NEGR1: variants seen among roughly 807,000 people sequenced by gnomAD.
NEGR1 encodes IgLON family member 4.
In NEGR1, 10 loss-of-function variants were observed where a neutral mutation model predicts 40.9. That is an observed-to-expected ratio of 0.24 (90% CI 0.15 to 0.42). The LOEUF (loss-of-function observed/expected upper bound fraction) is 0.42, where lower values mean the gene tolerates loss of function less well. Among genes scored for constraint, NEGR1 ranks in the 10% least tolerant of loss-of-function variants. The pLI, the probability that NEGR1 is intolerant of heterozygous loss-of-function variation, is 1.00. For synonymous variants in NEGR1, 185 were observed against 166.8 expected (o/e 1.11, Z -0.84); for missense variants, 352 against 438.9 (o/e 0.80, Z 1.77).
At chr1:71,974,386 G>A (rs1434095857) in intron 1 of NEGR1, among the ~76,000 whole-genome samples, 1 of 152,020 alleles carries the variant, frequency 6.6e-6, no homozygotes, top group East Asian at 1.9e-4. Context: ...AGGATATTAA[G>A]TAAATTTCTG....
intron 1 of NEGR1, among the ~76,000 whole-genome samples, chr1:71,961,651 C>A (rs1646166075): frequency 6.6e-6 from 1 of 152,074 alleles, no homozygotes; most frequent in Admixed American, 6.6e-5. Context: ...ATCAAGAGGT[C>A]TGTCTTCAAA....
rs1645813643 is a variant in NEGR1, at chr1:71,928,361, T to TGTATATATGTATATATAC, written c.409+6717_409+6718insGTATATATACATATATAC. On this transcript the variant is annotated intron_variant, in intron 2 of 6. Coordinates refer to ENST00000357731, the MANE Select transcript of NEGR1 (RefSeq NM_173808.3). ...ATATACACACATGTGTATATATATATACACATATGTATATATGTATATATA... is the reference window on the plus strand; with the variant it reads ...ATATACACACATGTGTATATATATATGTATATATGTATATATACACACATATGTATATATGTATATATA... 2.2e-4 allele frequency among the ~76,000 whole-genome samples: 19 copies of TGTATATATGTATATATAC among 84,624 alleles called. 2 individuals carry two copies. Among genetic ancestry groups the TGTATATATGTATATATAC allele is most frequent in the Admixed American group, 1.0e-3 (7 of 6,722 alleles). 55.5% of individuals were successfully genotyped at this position (84,624 alleles called of 152,430 possible).
chr1:72,240,830 C>T (rs1654708528), intron 1 of NEGR1, among the ~76,000 whole-genome samples: 1 of 151,774 alleles, frequency 6.6e-6, no homozygotes, highest in African/African-American at 2.4e-5. Context: ...TCTCATTAAA[C>T]AAGGGCAACT....
chr1:71,552,821 CA>C (rs1380775779), intron 6 of NEGR1, among the ~76,000 whole-genome samples: 3 of 151,192 alleles, frequency 2.0e-5, no homozygotes, highest in African/African-American at 7.3e-5. Flanking sequence ...TGTAAGTAGG[CA>C]AAAGTATAAT....
chr1:71,449,645 G>A (rs1026301381), intron 6 of NEGR1, among the ~76,000 whole-genome samples: 3 of 152,140 alleles, frequency 2.0e-5, no homozygotes, highest in Admixed American at 6.5e-5. Context: ...CACTTTAAAA[G>A]TTTATAACAG....
intron 3 of NEGR1, among the ~76,000 whole-genome samples, chr1:71,775,878 A>G (rs888759242): frequency 4.0e-5 from 6 of 151,662 alleles, no homozygotes; most frequent in African/African-American, 1.5e-4. Context: ...CTGTAATCCC[A>G]GCTACTCAGG....
intron 1 of NEGR1, among the ~76,000 whole-genome samples, chr1:71,942,084 CA>C (rs1382038325): frequency 6.9e-6 from 1 of 145,926 alleles, no homozygotes; most frequent in Non-Finnish European, 1.5e-5. Flanking sequence ...TGTGTAATAG[CA>C]AAAAAGAAAA....
At chr1:72,101,944 A>G (rs1648963666) in intron 1 of NEGR1, among the ~76,000 whole-genome samples, 1 of 152,108 alleles carries the variant, frequency 6.6e-6, no homozygotes, top group East Asian at 1.9e-4. Flanking sequence ...AATACATGTT[A>G]GTTCTTTACA....
chr1:71,588,165 G>T (rs2783046), intron 6 of NEGR1, among the ~76,000 whole-genome samples: 1 of 151,846 alleles, frequency 6.6e-6, no homozygotes, highest in Non-Finnish European at 1.5e-5. Context: ...GGCAGGATGG[G>T]ACCACTCAGT....
chr1:71,984,168 T>A (rs1271421552), intron 1 of NEGR1, among the ~76,000 whole-genome samples: 1 of 146,766 alleles, frequency 6.8e-6, no homozygotes, highest in Non-Finnish European at 1.5e-5. Context: ...TACTGCCTCC[T>A]GCCCACCCAT....
chr1:71,460,991 T>C (rs1017132238), intron 6 of NEGR1, among the ~76,000 whole-genome samples: 3 of 152,210 alleles, frequency 2.0e-5, no homozygotes, highest in African/African-American at 7.2e-5. Flanking sequence ...AGCTTGCTGG[T>C]CTCTGAAAAT....
At chr1:72,105,060 C>T (rs182794485) in intron 1 of NEGR1, among the ~76,000 whole-genome samples, 61 of 152,170 alleles carry the variant, frequency 4.0e-4, no homozygotes, top group Non-Finnish European at 6.3e-4. Flanking sequence ...TTCACAATAA[C>T]GAGACAAAAC....
intron 1 of NEGR1, among the ~76,000 whole-genome samples, chr1:72,074,713 AATG>A (rs774254982): frequency 3.5e-4 from 54 of 152,142 alleles, no homozygotes; most frequent in Non-Finnish European, 6.5e-4. Context: ...GAACTTTCCC[AATG>A]TGCTTTTATT....
intron 6 of NEGR1, among the ~76,000 whole-genome samples, chr1:71,506,076 A>G (rs1227998866): frequency 6.6e-6 from 1 of 152,226 alleles, no homozygotes; most frequent in Non-Finnish European, 1.5e-5. Flanking sequence ...TGCCTAAAAC[A>G]AGGAGAGAAC....
At chr1:71,824,962 TATTC>T (rs966415012) in intron 2 of NEGR1, among the ~76,000 whole-genome samples, 1 of 151,946 alleles carries the variant, frequency 6.6e-6, no homozygotes, top group Admixed American at 6.6e-5. Flanking sequence ...CTGCTTTTGT[TATTC>T]ATGTACAAGT....
intron 4 of NEGR1, among the ~76,000 whole-genome samples, chr1:71,636,552 A>C (rs1461679403): frequency 6.6e-6 from 1 of 152,104 alleles, no homozygotes; most frequent in East Asian, 1.9e-4. Flanking sequence ...CATTGCCATC[A>C]AAAGCAAGCT....
chr1:71,464,618 C>T (rs928005748), intron 6 of NEGR1, among the ~76,000 whole-genome samples: 2 of 152,002 alleles, frequency 1.3e-5, no homozygotes, highest in African/African-American at 4.8e-5. Flanking sequence ...GCAGTTCTGT[C>T]GCAAAATTTG....
At chr1:71,667,208 C>T (rs1570173117) in intron 4 of NEGR1, among the ~76,000 whole-genome samples, 2 of 152,264 alleles carry the variant, frequency 1.3e-5, no homozygotes, top group East Asian at 3.9e-4. Context: ...AGGTTAGAAA[C>T]ACAAGAGTTT....
chr1:71,863,410 C>T (rs1196701723), intron 2 of NEGR1, among the ~76,000 whole-genome samples: 3 of 151,962 alleles, frequency 2.0e-5, no homozygotes, highest in Non-Finnish European at 4.4e-5. Context: ...AACACATGGA[C>T]ATAGAAAGGG....
Sources: gnomAD v4.1 joint callset for allele counts (sites outside exome capture counted in the v4.1 genomes callset) on GRCh38, gnomAD v4.1.1 for gene constraint, MANE v1.5 for transcripts, NCBI Gene and HGNC (gene_info 2026-07-23, HGNC 2026-07-21) for gene names.